Variants in BBS9 observed in about 807,000 individuals in gnomAD.
BBS9 encodes the protein Bardet-Biedl syndrome 9.
A neutral mutation model predicts 117.7 loss-of-function variants in BBS9; 89 were observed. The observed-to-expected ratio is 0.76, with a 90% CI of 0.64 to 0.90. The LOEUF (loss-of-function observed/expected upper bound fraction) is 0.90. Among genes scored for constraint, BBS9 ranks in the 40% least tolerant of loss-of-function variants. The probability of loss-of-function intolerance (pLI) is 0.00; values close to 1 mark genes in which losing one functional copy is unlikely to be tolerated. For missense variants in BBS9, 982 were observed against 1,042.2 expected (o/e 0.94, Z 0.80); for synonymous variants, 379 against 370.9 (o/e 1.02, Z -0.25).
chr7:33,533,397 C>G (rs930199444), intron 20 of BBS9, among the ~76,000 whole-genome samples: 1 of 152,186 alleles, frequency 6.6e-6, no homozygotes, highest in Non-Finnish European at 1.5e-5. Context: ...GTGTCTCACA[C>G]GATCCTTCTT....
At position 33,243,850 on chromosome 7, in the gene BBS9, CA is replaced by C. The variant is rs563948967; in HGVS notation, c.443-13385del. Among the ~76,000 whole-genome samples, 34 of 152,248 alleles carry C rather than the reference CA, an allele frequency of 2.2e-4. 1 individual carries two copies. The South Asian group carries it at 7.1e-3, about 32-fold the overall frequency. On this transcript the variant is annotated intron_variant, in intron 5 of 22. Coordinates refer to ENST00000242067, the MANE Select transcript of BBS9 (RefSeq NM_198428.3). ...GTTAGAGGACTACACTTAGTGATGA[CA>C]TTTTTTACTTCCTACTTATTTGTAT... is the stretch of plus-strand genomic sequence containing the variant.
intron 4 of BBS9, 141 bp from the exon 5 acceptor site, chr7:33,177,337 A>T: frequency 3.0e-6 from 2 of 663,690 alleles, no homozygotes; most frequent in Non-Finnish European, 5.4e-6. Context: ...CAGTATGCTA[A>T]TTTTTCACAA....
At chr7:33,249,396 A>G (rs1192627659) in intron 5 of BBS9, among the ~76,000 whole-genome samples, 1 of 152,112 alleles carries the variant, frequency 6.6e-6, no homozygotes, top group African/African-American at 2.4e-5. Flanking sequence ...TGACTATATG[A>G]TATTTTAATG....
At chr7:33,424,622 A>T (rs75619569) in intron 19 of BBS9, among the ~76,000 whole-genome samples, 3,083 of 151,592 alleles carry the variant, frequency 0.02, 63 homozygotes, top group Non-Finnish European at 0.028. Context: ...AAAAATATCT[A>T]AAAAAAGCAC....
chr7:33,192,829 G>C (rs1267227445), intron 5 of BBS9, among the ~76,000 whole-genome samples: 1 of 152,310 alleles, frequency 6.6e-6, no homozygotes, highest in East Asian at 1.9e-4. Context: ...GAAGAACAGA[G>C]GAGCAGAAGA....
intron 10 of BBS9, among the ~76,000 whole-genome samples, chr7:33,339,593 G>A (rs1455532658): frequency 6.6e-6 from 1 of 152,172 alleles, no homozygotes; most frequent in Non-Finnish European, 1.5e-5. Context: ...TGTGGGGAAT[G>A]TTTCCTCTCA....
intron 16 of BBS9, 42 bp downstream of exon 16, chr7:33,358,037 T>C: frequency 6.3e-7 from 1 of 1,593,116 alleles, no homozygotes; most frequent in South Asian, 1.1e-5. Flanking sequence ...TCAAAAATGC[T>C]AAGAATTTAG....
intron 1 of BBS9, among the ~76,000 whole-genome samples, chr7:33,145,281 T>C (rs1792158246): frequency 6.6e-6 from 1 of 152,196 alleles, no homozygotes; most frequent in African/African-American, 2.4e-5. Context: ...GTTAAATAAA[T>C]GAACTGTTGT....
At chr7:33,277,706 G>T (rs1562926616) in intron 9 of BBS9, among the ~76,000 whole-genome samples, 1 of 152,106 alleles carries the variant, frequency 6.6e-6, no homozygotes. Context: ...AATCATAGGG[G>T]TGTGGGAAAT....
chr7:33,546,331 A>G (rs1368274065), intron 21 of BBS9, among the ~76,000 whole-genome samples: 2 of 152,200 alleles, frequency 1.3e-5, no homozygotes, highest in African/African-American at 2.4e-5. Context: ...TTTGTCAAAC[A>G]TATAAACTGC....
chr7:33,565,203 C>CCTCGACCATCACT (rs1856665082), intron 21 of BBS9, among the ~76,000 whole-genome samples: 1 of 152,090 alleles, frequency 6.6e-6, no homozygotes, highest in Non-Finnish European at 1.5e-5. Context: ...TCTGTCCTTC[C>CCTCGACCATCACT]TACAGTGTTT....
chr7:33,493,556 T>C (rs749672547), intron 19 of BBS9, among the ~76,000 whole-genome samples: 1 of 152,216 alleles, frequency 6.6e-6, no homozygotes, highest in Non-Finnish European at 1.5e-5. Context: ...ATTTATTAAA[T>C]AAACATTTAT....
intron 5 of BBS9, among the ~76,000 whole-genome samples, chr7:33,238,275 G>A (rs781412609): frequency 6.6e-6 from 1 of 152,056 alleles, no homozygotes; most frequent in South Asian, 2.1e-4. Context: ...GGAATAGTGG[G>A]GAGTGTGATT....
chr7:33,574,727 G>GCACA (rs1306311667), intron 21 of BBS9, among the ~76,000 whole-genome samples: 51 of 88,948 alleles, frequency 5.7e-4, no homozygotes, highest in Admixed American at 1.3e-3. Context: ...ACACACACAC[G>GCACA]CGCACACACA....
At chr7:33,140,482 G>A (rs1029895188) in intron 1 of BBS9, among the ~76,000 whole-genome samples, 1 of 152,000 alleles carries the variant, frequency 6.6e-6, no homozygotes. Context: ...TGACTATGCT[G>A]TGTCCTGTGA....
chr7:33,319,931 T>C (rs1441849450), intron 9 of BBS9, among the ~76,000 whole-genome samples: 2 of 152,196 alleles, frequency 1.3e-5, no homozygotes, highest in Non-Finnish European at 2.9e-5. Context: ...AAAGAAGATA[T>C]ACAAATGGCC....
chr7:33,201,385 T>C (rs1341990849), intron 5 of BBS9, among the ~76,000 whole-genome samples: 1 of 152,148 alleles, frequency 6.6e-6, no homozygotes, highest in Non-Finnish European at 1.5e-5. Flanking sequence ...AATTTTTTTT[T>C]CTTTCCGTTA....
chr7:33,182,899 CA>C (rs1169583534), intron 5 of BBS9, among the ~76,000 whole-genome samples: 3 of 151,868 alleles, frequency 2.0e-5, no homozygotes, highest in Non-Finnish European at 4.4e-5. Flanking sequence ...TCCTGGATCC[CA>C]AAAAAGGGAT....
chr7:33,259,192 TTAATA>T (rs1207412267), intron 6 of BBS9, among the ~76,000 whole-genome samples: 2 of 152,212 alleles, frequency 1.3e-5, no homozygotes, highest in African/African-American at 2.4e-5. Flanking sequence ...CTATATTCAG[TTAATA>T]TAATATAATC....
Sources: allele counts gnomAD v4.1 joint callset (sites outside exome capture counted in the v4.1 genomes callset), GRCh38; gene constraint gnomAD v4.1.1; transcripts MANE v1.5; gene names NCBI Gene and HGNC (gene_info 2026-07-23, HGNC 2026-07-21).